AKAP9: variants seen among roughly 807,000 people sequenced by gnomAD.
AKAP9 encodes the protein A-kinase anchoring protein 9, also known as A-kinase anchor protein 9.
In AKAP9, 311 loss-of-function variants were observed where a neutral mutation model predicts 488.5. The observed-to-expected ratio is 0.64, with a 90% CI of 0.58 to 0.70. The LOEUF is 0.70. Among genes scored for constraint, AKAP9 ranks in the 30% least tolerant of loss-of-function variants. AKAP9 has a pLI of 0.00. For missense variants in AKAP9, 4,215 were observed against 4,374.5 expected (o/e 0.96, Z 1.03); for synonymous variants, 1,462 against 1,483.5 (o/e 0.99, Z 0.33).
At chr7:92,080,757 C>T (rs1449305800) in intron 31 of AKAP9, among the ~76,000 whole-genome samples, 1 of 152,130 alleles carries the variant, frequency 6.6e-6, no homozygotes, top group Non-Finnish European at 1.5e-5. Context: ...GACAGAACTA[C>T]CAAATAAAAT....
chr7:92,024,090 T>TA, intron 14 of AKAP9, among the ~76,000 whole-genome samples: 1 of 151,846 alleles, frequency 6.6e-6, no homozygotes, highest in South Asian at 2.1e-4. Context: ...TATGTATACA[T>TA]TATGCACATT....
In AKAP9 at chr7:92,042,051, C is replaced by T; in HGVS notation, c.4923C>T (p.Ser1641=). The change falls in exon 19 of 50, where the codon TCC becomes TCT. Residue 1641 remains serine (S), a synonymous_variant. Transcript: ENST00000356239. ...KRLNRQLAQR[S]SIDNENLVSE... ...TGACCTTTTTTCTTATTTAGAGATC[C>T]TCCATAGATAATGAAAACCTGGTTT... 1 of 1,613,640 alleles carries T rather than the reference C, an allele frequency of 6.2e-7. No individual in the cohort carries two copies. The highest frequency in any genetic ancestry group is 8.5e-7 in the Non-Finnish European group (1 of 1,179,778).
rs921970315 is a variant in AKAP9, at chr7:91,992,811, A to T, written c.406-74A>T. On this transcript the variant is annotated intron_variant, in intron 4 of 49. Transcript: ENST00000356239. ...TGTTTTAAAGTGGACCTTGCTATGG[A>T]TTTCAGTATTTGAATCTCTCTCCCT... 12 of 1,417,810 alleles carry T rather than the reference A, an allele frequency of 8.5e-6. No individual in the cohort carries two copies. The African/African-American group carries it at 1.6e-4, about 18-fold the overall frequency. 87.8% of individuals were successfully genotyped at this position (1,417,810 alleles called of 1,614,324 possible).
In AKAP9 at chr7:92,061,438, T is replaced by C. The variant is rs371593582; in HGVS notation, c.5764+16T>C. ...AAGGCTGAGGGTGAGCAATTTGCCATTGACAACTAAGGGTAGAGAAATTTC... is the reference window on the plus strand; with the variant it reads ...AAGGCTGAGGGTGAGCAATTTGCCACTGACAACTAAGGGTAGAGAAATTTC... On this transcript the variant is annotated intron_variant, in intron 23 of 49. Coordinates refer to ENST00000356239, the MANE Select transcript of AKAP9 (RefSeq NM_005751.5). The C allele has an allele frequency of 2.3e-5, 37 of 1,612,142 alleles. No homozygotes were observed. The highest frequency in any genetic ancestry group is 2.0e-4 in the African/African-American group (15 of 74,624).
intron 28 of AKAP9, among the ~76,000 whole-genome samples, chr7:92,074,575 C>T (rs1812253133): frequency 6.6e-6 from 1 of 152,126 alleles, no homozygotes; most frequent in Admixed American, 6.6e-5. Context: ...AGGTTTATTG[C>T]AGCACTATTC....
At chr7:92,099,366 T>C (rs1469294648) in intron 43 of AKAP9, among the ~76,000 whole-genome samples, 1 of 152,194 alleles carries the variant, frequency 6.6e-6, no homozygotes, top group Admixed American at 6.5e-5. Flanking sequence ...CACATAAATT[T>C]TGTGTCATAT....
At chr7:92,102,940 T>TA in intron 46 of AKAP9, 114 bp downstream of exon 46, 1 of 963,798 alleles carries the variant, frequency 1.0e-6, no homozygotes, top group Non-Finnish European at 1.6e-6. Flanking sequence ...TAGTAGGAGG[T>TA]ATGTGCCATC....
At chr7:92,031,647 C>A in intron 16 of AKAP9, 43 bp downstream of exon 16, 1 of 1,387,214 alleles carries the variant, frequency 7.2e-7, no homozygotes, top group Non-Finnish European at 1.0e-6. Context: ...GGTTTATATT[C>A]CCTTTGAGCC....
intron 37 of AKAP9, among the ~76,000 whole-genome samples, chr7:92,088,375 G>A (rs1814967470): frequency 6.6e-6 from 1 of 152,156 alleles, no homozygotes. Flanking sequence ...TGGAGAGGAT[G>A]AAAAGAAACT....
At chr7:92,046,995 C>G (rs1807114332) in intron 21 of AKAP9, among the ~76,000 whole-genome samples, 1 of 152,118 alleles carries the variant, frequency 6.6e-6, no homozygotes, top group African/African-American at 2.4e-5. Flanking sequence ...AGACAACATA[C>G]CTTGAAAGAC....
chr7:92,040,577 G>T, intron 17 of AKAP9, 97 bp from the exon 18 acceptor site: 1 of 836,352 alleles, frequency 1.2e-6, no homozygotes, highest in Non-Finnish European at 1.9e-6. Flanking sequence ...ATAAGGAATA[G>T]AATTGCTTTC....
intron 2 of AKAP9, among the ~76,000 whole-genome samples, chr7:91,975,703 TC>T: frequency 6.6e-6 from 1 of 152,288 alleles, no homozygotes; most frequent in African/African-American, 2.4e-5. Context: ...GTATTATTTC[TC>T]CTAATAAGGG....
intron 16 of AKAP9, among the ~76,000 whole-genome samples, chr7:92,037,719 A>C (rs1805423929): frequency 6.6e-6 from 1 of 152,346 alleles, no homozygotes; most frequent in East Asian, 1.9e-4. Context: ...TACCAGTCAT[A>C]CAAACTAAGT....
intron 16 of AKAP9, among the ~76,000 whole-genome samples, chr7:92,038,181 TAAG>T (rs1416918905): frequency 6.6e-6 from 1 of 152,192 alleles, no homozygotes; most frequent in Admixed American, 6.5e-5. Flanking sequence ...TCTGTTATAA[TAAG>T]AAAACATTTT....
At position 92,097,145 on chromosome 7, in the gene AKAP9, G is replaced by A; in HGVS notation, c.10186G>A (p.Glu3396Lys). ...CAGGAAAACACTGCAGACAGAACAG[G>A]AGGCCAACACTGAGGGACAGAAAAA... The part of the protein sequence containing the change: ...VHRKTLQTEQ[E>K]ANTEGQKKMH... The change falls in exon 41 of 50, where the codon GAG (glutamate) becomes AAG (lysine). Residue 3396 changes from glutamate to lysine, a missense_variant. Coordinates refer to ENST00000356239, the MANE Select transcript of AKAP9 (RefSeq NM_005751.5). 1 of 1,614,224 alleles carries A rather than the reference G, an allele frequency of 6.2e-7. No individual in the cohort carries two copies. Among genetic ancestry groups the A allele is most frequent in the South Asian group, 1.1e-5 (1 of 91,076 alleles).
At chr7:92,099,242 A>C (rs1469776670) in intron 43 of AKAP9, among the ~76,000 whole-genome samples, 1 of 152,164 alleles carries the variant, frequency 6.6e-6, no homozygotes, top group East Asian at 1.9e-4. Context: ...TCAGGCTTTC[A>C]GCATTTCTTA....
chr7:92,077,027 T>A lies in AKAP9; in HGVS notation c.6765+20T>A, dbSNP rs2130856137. The A allele has an allele frequency of 2.1e-6, 3 of 1,452,714 alleles. No homozygotes were observed. In the East Asian group the frequency reaches 6.9e-5, roughly 34 times the overall value. The allele number at this position is 1,452,714 out of a possible 1,614,324, so 90.0% of individuals were successfully genotyped here. A position where few individuals can be genotyped will look rare whatever the true frequency, so the allele number is the denominator to read the frequency against. On this transcript the variant is annotated intron_variant, in intron 29 of 49. Coordinates refer to ENST00000356239, the MANE Select transcript of AKAP9 (RefSeq NM_005751.5). ...TTTAAGGTAATTAGTTAAGAAAAAC[T>A]TTTATCTGTAAATAAGTCATAGTTT... is the stretch of plus-strand genomic sequence containing the variant.
intron 2 of AKAP9, 31 bp from the exon 3 acceptor site, chr7:91,980,258 T>C (rs774436396): frequency 4.8e-6 from 7 of 1,444,304 alleles, no homozygotes; most frequent in African/African-American, 1.4e-5. Flanking sequence ...AAAAAAGTCA[T>C]AATTATATTT....
intron 1 of AKAP9, among the ~76,000 whole-genome samples, chr7:91,967,544 G>A (rs374999678): frequency 8.6e-5 from 13 of 151,998 alleles, no homozygotes; most frequent in African/African-American, 1.9e-4. Context: ...TTTTTTCAGC[G>A]TTAATTGAAA....
Sources: allele counts gnomAD v4.1 joint callset (sites outside exome capture counted in the v4.1 genomes callset), GRCh38; gene constraint gnomAD v4.1.1; transcripts MANE v1.5; gene names NCBI Gene and HGNC (gene_info 2026-07-23, HGNC 2026-07-21).